Variants in CEP85L observed in about 807,000 individuals in gnomAD.
CEP85L encodes centrosomal protein 85L, also known as centrosomal protein of 85 kDa-like.
Under a neutral mutation model 100.3 loss-of-function variants are expected in CEP85L, and 60 were observed. The observed-to-expected ratio is 0.60, with a 90% CI of 0.49 to 0.74. CEP85L has a LOEUF of 0.74. CEP85L is among the 30% of genes least tolerant of loss of function. The pLI is 0.00. For missense variants in CEP85L, 973 were observed against 936.2 expected (o/e 1.04, Z -0.51); for synonymous variants, 319 against 322.7 (o/e 0.99, Z 0.12).
rs75998550 is a variant in CEP85L, at chr6:118,527,361, G to T, written c.1021-3441C>A. Among the ~76,000 whole-genome samples, 287 of 151,918 alleles carry T rather than the reference G, an allele frequency of 1.9e-3. 1 individual carries two copies. The highest frequency in any genetic ancestry group is 6.6e-3 in the African/African-American group (275 of 41,402). On this transcript the variant is annotated intron_variant, in intron 3 of 12. Transcript: ENST00000368491. ...CTGTCGGCTCGCTGTTTTCCTTCCC[G>T]CACAAAGCCAAGAACCCATGTGGCC...
chr6:118,592,376 T>C (rs2115127932), intron 2 of CEP85L, among the ~76,000 whole-genome samples: 1 of 151,448 alleles, frequency 6.6e-6, no homozygotes, highest in Non-Finnish European at 1.5e-5. Context: ...TAATTGTATT[T>C]TACCTCAAAA....
In CEP85L at chr6:118,464,580, T is replaced by G. The variant is rs1378431595; in HGVS notation, c.*825A>C. On this transcript the variant is annotated 3_prime_UTR_variant, in exon 13 of 13. Coordinates refer to ENST00000368491, the MANE Select transcript of CEP85L (RefSeq NM_001042475.3). ...CTTTATTAATTATATATGGCTTTGT[T>G]TACATTTATATATGTATATATATAA... is the stretch of plus-strand genomic sequence containing the variant. The G allele has an allele frequency of 6.6e-6, 1 of 151,842 alleles. No individual in the cohort carries two copies. Among genetic ancestry groups the G allele is most frequent in the Non-Finnish European group, 1.5e-5 (1 of 67,946 alleles). The allele number at this position is 151,842 out of a possible 1,614,324, so 9.4% of individuals were successfully genotyped here. A position where few individuals can be genotyped will look rare whatever the true frequency, so the allele number is the denominator to read the frequency against.
intron 1 of CEP85L, among the ~76,000 whole-genome samples, chr6:118,671,968 T>C (rs944161013): frequency 6.6e-6 from 1 of 152,174 alleles, no homozygotes; most frequent in Non-Finnish European, 1.5e-5. Flanking sequence ...AAAATTGTCT[T>C]TCTTCAAGCT....
chr6:118,551,908 C>G (rs1024828103), intron 3 of CEP85L, among the ~76,000 whole-genome samples: 5 of 151,900 alleles, frequency 3.3e-5, no homozygotes, highest in Non-Finnish European at 5.9e-5. Flanking sequence ...ACAGATTCAT[C>G]GTAAATCTAA....
intron 2 of CEP85L, among the ~76,000 whole-genome samples, chr6:118,605,783 C>T (rs371907211): frequency 3.8e-4 from 58 of 152,166 alleles, no homozygotes; most frequent in Non-Finnish European, 6.2e-4. Flanking sequence ...GAGGCCGAGG[C>T]GGGCAGATCA....
At chr6:118,646,821 T>C (rs1326392209) in intron 1 of CEP85L, 3 of 467,672 alleles carry the variant, frequency 6.4e-6, no homozygotes, top group Non-Finnish European at 8.4e-6. Context: ...ACACATTTCA[T>C]CCAGTCTGAA....
At chr6:118,504,382 GA>G (rs371005450) in intron 5 of CEP85L, among the ~76,000 whole-genome samples, 4,433 of 137,254 alleles carry the variant, frequency 0.032, 215 homozygotes, top group African/African-American at 0.11. Context: ...CTCAAAAAAA[GA>G]AAAAAAAAAA....
chr6:118,519,473 T>TGTGTGG (rs1776500318), intron 4 of CEP85L, among the ~76,000 whole-genome samples: 2 of 18,214 alleles, frequency 1.1e-4, no homozygotes, highest in African/African-American at 2.0e-4. Flanking sequence ...TGTGTGTGTG[T>TGTGTGG]GGCGGGGGGG....
At chr6:118,607,564 C>A (rs1244500808) in intron 2 of CEP85L, among the ~76,000 whole-genome samples, 2 of 152,150 alleles carry the variant, frequency 1.3e-5, no homozygotes, top group African/African-American at 2.4e-5. Context: ...CAGTTAACAT[C>A]CAATAGTGAC....
chr6:118,483,971 C>T (rs9481813), intron 6 of CEP85L, 113 bp from the exon 7 acceptor site: 5 of 875,018 alleles, frequency 5.7e-6, no homozygotes, highest in African/African-American at 3.4e-5. Flanking sequence ...CAGGTTATAG[C>T]GAAGGCCACT....
Position 118,631,546 on chromosome 6 carries a change from T to C in CEP85L, c.232+907A>G, listed in dbSNP as rs76220504. Among the ~76,000 whole-genome samples the C allele has an allele frequency of 3.6e-3, 551 of 152,330 alleles. 2 individuals are homozygous for C. The highest frequency in any genetic ancestry group is 6.3e-3 in the Non-Finnish European group (428 of 68,012). On this transcript the variant is annotated intron_variant, in intron 2 of 12. Transcript: ENST00000368491. ...ATGTTTATAGCAACTTTACTCATAA[T>C]AGTCAAAAACTGAAAACATCCCAAA...
chr6:118,463,503 A>C lies in CEP85L; in HGVS notation c.*1902T>G, dbSNP rs1772334209. The stretch of plus-strand genomic sequence containing the variant: ...TTATCTGTTTTACCATAAAGGACCA[A>C]GGCAGAATTCTTCGCATCACATTTT... On this transcript the variant is annotated 3_prime_UTR_variant, in exon 13 of 13. Transcript: ENST00000368491. The C allele has an allele frequency of 6.6e-6, 1 of 152,180 alleles. No homozygotes were observed. The highest frequency in any genetic ancestry group is 1.5e-5 in the Non-Finnish European group (1 of 67,930). The allele number at this position is 152,180 out of a possible 1,614,324, so 9.4% of individuals were successfully genotyped here.
At chr6:118,608,065 G>A (rs1285984893) in intron 2 of CEP85L, among the ~76,000 whole-genome samples, 1 of 152,136 alleles carries the variant, frequency 6.6e-6, no homozygotes, top group African/African-American at 2.4e-5. Flanking sequence ...ACAGCCTACA[G>A]GAGCTCTTTA....
chr6:118,529,451 C>CA (rs376020153), intron 3 of CEP85L, among the ~76,000 whole-genome samples: 19 of 151,450 alleles, frequency 1.3e-4, no homozygotes, highest in African/African-American at 4.6e-4. Flanking sequence ...ACTAAAAATA[C>CA]AAAAAAATTA....
At chr6:118,484,463 C>T (rs1774028889) in intron 6 of CEP85L, among the ~76,000 whole-genome samples, 1 of 152,168 alleles carries the variant, frequency 6.6e-6, no homozygotes, top group Non-Finnish European at 1.5e-5. Context: ...GTTTTTATTG[C>T]CTGCACATGT....
intron 1 of CEP85L, among the ~76,000 whole-genome samples, chr6:118,643,496 A>C (rs1190642170): frequency 1.3e-5 from 2 of 152,188 alleles, no homozygotes; most frequent in African/African-American, 4.8e-5. Flanking sequence ...TTTAATACTA[A>C]AAACTATTTT....
intron 2 of CEP85L, among the ~76,000 whole-genome samples, chr6:118,621,461 T>C (rs2115276839): frequency 6.6e-6 from 1 of 152,338 alleles, no homozygotes; most frequent in Non-Finnish European, 1.5e-5. Context: ...TGGATGGTCC[T>C]GCCCCAGGGG....
intron 1 of CEP85L, among the ~76,000 whole-genome samples, chr6:118,645,955 C>T (rs1444882671): frequency 6.6e-6 from 1 of 152,148 alleles, no homozygotes; most frequent in East Asian, 1.9e-4. Flanking sequence ...CGTGGTGGCT[C>T]ACGCCTTAAT....
At chr6:118,489,414 T>A (rs1266599372) in intron 6 of CEP85L, among the ~76,000 whole-genome samples, 1 of 151,944 alleles carries the variant, frequency 6.6e-6, no homozygotes, top group Non-Finnish European at 1.5e-5. Flanking sequence ...TAAACAGTAA[T>A]ACAAAAGCAT....
Sources: allele counts gnomAD v4.1 joint callset (sites outside exome capture counted in the v4.1 genomes callset), GRCh38; gene constraint gnomAD v4.1.1; transcripts MANE v1.5; gene names NCBI Gene and HGNC (gene_info 2026-07-23, HGNC 2026-07-21).